The following DCT variants were observed in gnomAD, a reference collection of about 807,000 sequenced individuals.
The protein encoded by DCT is dopachrome tautomerase.
In DCT, 47 loss-of-function variants were observed where a neutral mutation model predicts 53.0. That is an observed-to-expected ratio of 0.89 (90% CI 0.70 to 1.13). DCT has a LOEUF of 1.13. Ranked by LOEUF, DCT falls within the 50% of genes most tolerant of loss-of-function variation. The pLI, the probability that DCT is intolerant of heterozygous loss-of-function variation, is 0.00. For missense variants in DCT, 669 were observed against 637.4 expected (o/e 1.05, Z -0.53); for synonymous variants, 244 against 237.0 (o/e 1.03, Z -0.27).
chr13:94,516,561 A>G, the DCT span, among the ~76,000 whole-genome samples: 9 of 152,182 alleles, frequency 5.9e-5, no homozygotes, highest in African/African-American at 1.2e-4. Flanking sequence ...TTAATCCCCA[A>G]TGTGACATTA....
intron 6 of DCT, among the ~76,000 whole-genome samples, chr13:94,448,575 T>C (rs930884921): frequency 6.6e-6 from 1 of 152,166 alleles, no homozygotes; most frequent in African/African-American, 2.4e-5. Flanking sequence ...AAATGTCATT[T>C]GAGGGTAGGA....
chr13:94,518,026 T>C, the DCT span, among the ~76,000 whole-genome samples: 2 of 149,868 alleles, frequency 1.3e-5, no homozygotes, highest in South Asian at 4.2e-4. Context: ...GACGATCACT[T>C]GAGTCCAGGA....
the DCT span, among the ~76,000 whole-genome samples, chr13:94,514,216 A>G: frequency 5.9e-5 from 9 of 152,112 alleles, no homozygotes; most frequent in Non-Finnish European, 1.2e-4. Flanking sequence ...AAATACGGAA[A>G]GAGCACAGAT....
chr13:94,532,924 T>A, the DCT span, among the ~76,000 whole-genome samples: 1 of 152,198 alleles, frequency 6.6e-6, no homozygotes, highest in African/African-American at 2.4e-5. Flanking sequence ...ATCCTAAAAG[T>A]AAGACAATAA....
At chr13:94,458,246 G>A (rs1487885223) in intron 6 of DCT, among the ~76,000 whole-genome samples, 1 of 152,054 alleles carries the variant, frequency 6.6e-6, no homozygotes, top group Non-Finnish European at 1.5e-5. Context: ...ATCTGATTCA[G>A]AGCAAAGCTT....
chr13:94,488,829 TAC>T, the DCT span, among the ~76,000 whole-genome samples: 3 of 98,792 alleles, frequency 3.0e-5, no homozygotes, highest in African/African-American at 3.2e-5. Flanking sequence ...ACCATATATA[TAC>T]ATACATATAC....
At chr13:94,443,338 G>A (rs1459203180) in intron 7 of DCT, 98 bp downstream of exon 7, 10 of 975,944 alleles carry the variant, frequency 1.0e-5, no homozygotes, top group Middle Eastern at 2.1e-4. Flanking sequence ...TGAAAGCTTC[G>A]GCTAAAGGTC....
At chr13:94,463,979 T>C (rs962336107) in intron 4 of DCT, among the ~76,000 whole-genome samples, 1 of 152,226 alleles carries the variant, frequency 6.6e-6, no homozygotes, top group Admixed American at 6.5e-5. Context: ...GACGACATTC[T>C]AAAAATTTAA....
chr13:94,549,303 C>T, the DCT span, among the ~76,000 whole-genome samples: 1 of 152,360 alleles, frequency 6.6e-6, no homozygotes, highest in South Asian at 2.1e-4. Flanking sequence ...AGACCTCCTC[C>T]CATCGGAGCC....
chr13:94,514,714 G>A, the DCT span, among the ~76,000 whole-genome samples: 3 of 152,194 alleles, frequency 2.0e-5, no homozygotes, highest in Admixed American at 6.5e-5. Flanking sequence ...AGGGCAAGGC[G>A]GGAAGGGGGA....
rs34723994 is a variant in DCT, at chr13:94,468,999, G to A, written c.342C>T (p.Thr114=). 1,630 of 1,614,052 alleles carry A rather than the reference G, an allele frequency of 1.0e-3. 13 individuals are homozygous for A. In the African/African-American group the frequency reaches 0.019, roughly 19 times the overall value. The part of the protein sequence containing the change: ...YNCGDCKFGW[T]GPNCERKKPP... The stretch of plus-strand genomic sequence containing the variant: ...GTTTCTTCCGCTCGCAGTTGGGACC[G>A]GTCCAGCCAAACTTGCAGTCTCCAC... Residue 114 remains threonine, a synonymous_variant, in exon 2 of 8, where the codon ACC becomes ACT. Coordinates refer to ENST00000377028, the MANE Select transcript of DCT (RefSeq NM_001922.5).
chr13:94,518,906 T>G, the DCT span, among the ~76,000 whole-genome samples: 1 of 152,214 alleles, frequency 6.6e-6, no homozygotes, highest in Non-Finnish European at 1.5e-5. Context: ...TTAATCCCTT[T>G]AAGTTGCAGT....
the DCT span, among the ~76,000 whole-genome samples, chr13:94,509,778 T>C: frequency 6.6e-6 from 1 of 152,144 alleles, no homozygotes; most frequent in Middle Eastern, 3.2e-3. Context: ...AGTTAATACA[T>C]ACAAAGTCTT....
At chr13:94,544,603 G>A in the DCT span, among the ~76,000 whole-genome samples, 1 of 152,154 alleles carries the variant, frequency 6.6e-6, no homozygotes, top group Non-Finnish European at 1.5e-5. Flanking sequence ...CCTCCAAGAT[G>A]ATCCATTAGA....
the DCT span, among the ~76,000 whole-genome samples, chr13:94,495,377 G>A: frequency 1.3e-5 from 2 of 152,142 alleles, no homozygotes; most frequent in African/African-American, 4.8e-5. Flanking sequence ...GATTACAGGT[G>A]TGAGCCACCA....
At chr13:94,475,595 CA>C (rs1421303752) in intron 1 of DCT, among the ~76,000 whole-genome samples, 27 of 152,058 alleles carry the variant, frequency 1.8e-4, no homozygotes, top group African/African-American at 6.3e-4. Flanking sequence ...ATTTTCTGTA[CA>C]ATATAGTGCC....
At chr13:94,476,321 A>G (rs2139374455) in intron 1 of DCT, among the ~76,000 whole-genome samples, 1 of 151,514 alleles carries the variant, frequency 6.6e-6, no homozygotes, top group East Asian at 1.9e-4. Context: ...ATCCCTACCT[A>G]AAACAAAACA....
chr13:94,506,183 T>C, the DCT span, among the ~76,000 whole-genome samples: 1 of 152,224 alleles, frequency 6.6e-6, no homozygotes, highest in Non-Finnish European at 1.5e-5. Flanking sequence ...AGTGACTATC[T>C]TTTGTTTCTC....
At position 94,439,562 on chromosome 13, in the gene DCT, G is replaced by A. The variant is rs768628251; in HGVS notation, c.*336C>T. The A allele has an allele frequency of 9.1e-6, 1 of 109,790 alleles. No individual in the cohort carries two copies. The highest frequency in any genetic ancestry group is 4.9e-5 in the African/African-American group (1 of 20,356). The allele number at this position is 109,790 out of a possible 1,614,324, so 6.8% of individuals were successfully genotyped here. Reference sequence around the variant, plus strand: ...ATTTAAATGACTCCCCTGGATCAATGTTTTGGGATTTTTTTTGTTTTTTTT... The same window carrying A: ...ATTTAAATGACTCCCCTGGATCAATATTTTGGGATTTTTTTTGTTTTTTTT... On this transcript the variant is annotated 3_prime_UTR_variant, in exon 8 of 8. Transcript: ENST00000377028.
Sources: gnomAD v4.1 joint callset for allele counts (sites outside exome capture counted in the v4.1 genomes callset) on GRCh38, gnomAD v4.1.1 for gene constraint, MANE v1.5 for transcripts, NCBI Gene and HGNC (gene_info 2026-07-23, HGNC 2026-07-21) for gene names.